Variants in NCKAP1L observed in about 807,000 individuals in gnomAD.
The protein encoded by NCKAP1L is nck-associated protein 1-like.
Under a neutral mutation model 139.2 loss-of-function variants are expected in NCKAP1L, and 53 were observed. That is an observed-to-expected ratio of 0.38 (90% CI 0.31 to 0.48). The LOEUF (loss-of-function observed/expected upper bound fraction) is 0.48, where lower values mean the gene tolerates loss of function less well. NCKAP1L is among the 20% of genes least tolerant of loss of function. The pLI, the probability that NCKAP1L is intolerant of heterozygous loss-of-function variation, is 0.98. For synonymous variants in NCKAP1L, 468 were observed against 499.7 expected (o/e 0.94, Z 0.85); for missense variants, 1,151 against 1,381.9 (o/e 0.83, Z 2.65).
At position 54,547,884 on chromosome 12, in the gene NCKAP1L, G is replaced by A. The variant is rs757650313; in HGVS notation, c.*5199G>A. The A allele has an allele frequency of 6.6e-6, 1 of 152,196 alleles. No homozygotes were observed. The highest frequency in any genetic ancestry group is 1.5e-5 in the Non-Finnish European group (1 of 68,044). The allele number at this position is 152,196 out of a possible 1,614,324, so 9.4% of individuals were successfully genotyped here. On this transcript the variant is annotated 3_prime_UTR_variant, in exon 31 of 31. Coordinates refer to ENST00000293373, the MANE Select transcript of NCKAP1L (RefSeq NM_005337.5). ...TTGGCTGGGTCTGGGGAAAAGCCAA[G>A]GGATGTGTGCTAAAGGTAGATGGAC...
At position 54,547,455 on chromosome 12, in the gene NCKAP1L, G is replaced by A. The variant is rs1233588492; in HGVS notation, c.*4770G>A. On this transcript the variant is annotated 3_prime_UTR_variant, in exon 31 of 31. Coordinates refer to ENST00000293373, the MANE Select transcript of NCKAP1L (RefSeq NM_005337.5). Reference sequence around the variant, plus strand: ...CATTTATTAAATGAAGGGAATTAGAGTGGATGAACTCTAATGTCTCTTTCA... The same window carrying A: ...CATTTATTAAATGAAGGGAATTAGAATGGATGAACTCTAATGTCTCTTTCA... 6.6e-6 allele frequency: 1 copy of A among 151,986 alleles called. No homozygotes were observed. The highest frequency in any genetic ancestry group is 1.9e-4 in the East Asian group (1 of 5,196). 9.4% of individuals were successfully genotyped at this position (151,986 alleles called of 1,614,324 possible). A position where few individuals can be genotyped will look rare whatever the true frequency, so the allele number is the denominator to read the frequency against.
intron 26 of NCKAP1L, 108 bp from the exon 27 acceptor site, chr12:54,534,996 T>TA: frequency 1.9e-5 from 15 of 782,098 alleles, no homozygotes; most frequent in Non-Finnish European, 2.8e-5. Flanking sequence ...AAAAGCATCT[T>TA]TAAAAAAAAA....
Position 54,500,601 on chromosome 12 carries a change from A to G in NCKAP1L, c.282A>G (p.Ser94=), listed in dbSNP as rs1334719760. The change falls in exon 3 of 31, where the codon TCA becomes TCG. Residue 94 remains serine, a synonymous_variant. Transcript: ENST00000293373. Reference sequence around the variant, plus strand: ...GATTCCTCACCAACTACTACCAGTCATTTGTGGATGTCATGGAATTTCGGG... The same window carrying G: ...GATTCCTCACCAACTACTACCAGTCGTTTGTGGATGTCATGGAATTTCGGG... ...IIRFLTNYYQ[S]FVDVMEFRDH... 1 of 1,612,776 alleles carries G rather than the reference A, an allele frequency of 6.2e-7. No individual in the cohort carries two copies. Among genetic ancestry groups the G allele is most frequent in the Non-Finnish European group, 8.5e-7 (1 of 1,178,766 alleles).
chr12:54,502,724 C>T (rs988055409), intron 3 of NCKAP1L, among the ~76,000 whole-genome samples: 7 of 150,368 alleles, frequency 4.7e-5, no homozygotes, highest in South Asian at 2.1e-4. Flanking sequence ...CTGTGGCTCA[C>T]GCCTGTAATC....
Position 54,521,150 on chromosome 12 carries a change from A to G in NCKAP1L, c.1790A>G (p.His597Arg), listed in dbSNP as rs1404476284. The change falls in exon 18 of 31, where the codon CAC becomes CGC. Residue 597 changes from histidine to arginine, a missense_variant. Transcript: ENST00000293373. ...CACCTCAAGAACCATGGTCTTCACC[A>G]CTGCAACTCCTTCCTGGAAGAGTTG... ...YPHLKNHGLHHCNSFLEELAK... is the reference protein window; with the variant it reads ...YPHLKNHGLHRCNSFLEELAK... 1.7e-5 allele frequency: 28 copies of G among 1,613,944 alleles called. No individual in the cohort carries two copies. Among genetic ancestry groups the G allele is most frequent in the Non-Finnish European group, 2.4e-5 (28 of 1,180,008 alleles).
At chr12:54,498,758 A>G in intron 1 of NCKAP1L, 1 of 984,538 alleles carries the variant, frequency 1.0e-6, no homozygotes, top group Non-Finnish European at 1.2e-6. Context: ...GCTTCAGTTG[A>G]GGGGCGGGGA....
chr12:54,517,477 G>C, intron 11 of NCKAP1L, 56 bp from the exon 12 acceptor site: 1 of 1,133,696 alleles, frequency 8.8e-7, no homozygotes, highest in African/African-American at 1.5e-5. Context: ...TTTACTCTGT[G>C]CTTTGAAATC....
In NCKAP1L at chr12:54,518,914, T is replaced by G. The variant is rs1235438630; in HGVS notation, c.1421T>G (p.Val474Gly). The G allele has an allele frequency of 6.2e-7, 1 of 1,613,734 alleles. No homozygotes were observed. The highest frequency in any genetic ancestry group is 1.7e-5 in the Admixed American group (1 of 60,024). The change falls in exon 15 of 31, where the codon GTT becomes GGT. Residue 474 changes from valine (V) to glycine (G), a missense_variant and splice_region_variant. By Grantham distance (109) the Val-to-Gly change is moderately radical. Transcript: ENST00000293373. ...SILSSLNLKQVDNGEKFEFSG... is the reference protein window; with the variant it reads ...SILSSLNLKQGDNGEKFEFSG... ...TTTTATACTTCCGTTTTTCTTGCAG[T>G]TGATAATGGAGAAAAATTTGAATTC...
At chr12:54,533,656 T>C (rs896761757) in intron 26 of NCKAP1L, among the ~76,000 whole-genome samples, 3 of 152,084 alleles carry the variant, frequency 2.0e-5, no homozygotes, top group Non-Finnish European at 4.4e-5. Flanking sequence ...AACCTCTACC[T>C]CCTGGATTCA....
chr12:54,523,868 A>G lies in NCKAP1L; in HGVS notation c.2068A>G (p.Met690Val). Reference sequence around the variant, plus strand: ...AAACTTGACAGAACTGGCACTGACAATGAATCATGTATACAGTTTCTCCGT... The same window carrying G: ...AAACTTGACAGAACTGGCACTGACAGTGAATCATGTATACAGTTTCTCCGT... ...HLNLTELALT[M>V]NHVYSFSVFE... The change falls in exon 20 of 31, where the codon ATG becomes GTG. Residue 690 changes from methionine to valine, a missense_variant. By Grantham distance (21) the Met-to-Val change is conservative. Coordinates refer to ENST00000293373, the MANE Select transcript of NCKAP1L (RefSeq NM_005337.5). 6.2e-7 allele frequency: 1 copy of G among 1,614,192 alleles called. No homozygotes were observed. The highest frequency in any genetic ancestry group is 8.5e-7 in the Non-Finnish European group (1 of 1,180,002).
At chr12:54,513,195 A>G (rs1229558403) in intron 9 of NCKAP1L, among the ~76,000 whole-genome samples, 1 of 152,204 alleles carries the variant, frequency 6.6e-6, no homozygotes, top group Non-Finnish European at 1.5e-5. Flanking sequence ...GTAAATTAGA[A>G]GGAATTGAGG....
Position 54,509,743 on chromosome 12 carries a change from T to C in NCKAP1L, c.581T>C (p.Phe194Ser). The C allele has an allele frequency of 6.2e-7, 1 of 1,614,198 alleles. No individual in the cohort carries two copies. The highest frequency in any genetic ancestry group is 8.5e-7 in the Non-Finnish European group (1 of 1,180,036). ...DHPLKKLTEE[F>S]GPHTKAVSGA... ...CCTCTGAAGAAGCTGACAGAAGAGT[T>C]TGGGCCTCACACAAAGGCAAGTTCC... The change falls in exon 6 of 31, where the codon TTT becomes TCT. Residue 194 changes from phenylalanine (F) to serine (S), a missense_variant. Transcript: ENST00000293373.
rs1398702026 is a variant in NCKAP1L at position 54,507,882 on chromosome 12, T to C, written c.336T>C (p.Ile112=). Residue 112 remains isoleucine (I), a synonymous_variant, in exon 4 of 31, where the codon ATT becomes ATC. Coordinates refer to ENST00000293373, the MANE Select transcript of NCKAP1L (RefSeq NM_005337.5). ...ATGTATATGAACTTCTCAACACCAT[T>C]GATGCCTGCCAGTGCCATTTTGATA... ...RDHVYELLNT[I]DACQCHFDIN... The C allele has an allele frequency of 8.7e-6, 14 of 1,613,972 alleles. No homozygotes were observed. The highest frequency in any genetic ancestry group is 1.2e-5 in the Non-Finnish European group (14 of 1,179,968).
In NCKAP1L at chr12:54,543,998, C is replaced by G. The variant is rs958795492; in HGVS notation, c.*1313C>G. On this transcript the variant is annotated 3_prime_UTR_variant, in exon 31 of 31. Transcript: ENST00000293373. ...AGCCTTCCTGAAGCCTATTTGATAG[C>G]TGTTTTGGGGTTTTGTACATGTGTT... 15 of 152,312 alleles carry G rather than the reference C, an allele frequency of 9.8e-5. No homozygotes were observed. The highest frequency in any genetic ancestry group is 3.4e-4 in the African/African-American group (14 of 41,560). The allele number at this position is 152,312 out of a possible 1,614,324, so 9.4% of individuals were successfully genotyped here. A position where few individuals can be genotyped will look rare whatever the true frequency, so the allele number is the denominator to read the frequency against.
intron 25 of NCKAP1L, 79 bp downstream of exon 25, chr12:54,531,904 A>G (rs1416954233): frequency 8.1e-7 from 1 of 1,231,582 alleles, no homozygotes; most frequent in African/African-American, 1.5e-5. Context: ...TTGTGGAAGT[A>G]TTGCGGGAAT....
At position 54,536,948 on chromosome 12, in the gene NCKAP1L, C is replaced by A; in HGVS notation, c.3078C>A (p.Tyr1026Ter). 6.2e-7 allele frequency: 1 copy of A among 1,606,642 alleles called. No individual in the cohort carries two copies. Among genetic ancestry groups the A allele is most frequent in the Non-Finnish European group, 8.5e-7 (1 of 1,174,178 alleles). The change falls in exon 29 of 31, where the codon TAC (tyrosine) becomes TAA (stop). Residue 1026 changes from tyrosine to a stop codon, truncating the protein, a stop_gained. Coordinates refer to ENST00000293373, the MANE Select transcript of NCKAP1L (RefSeq NM_005337.5). LOFTEE classifies it high-confidence loss of function. Reference protein sequence around the residue: ...SSFYSIEKDGYNNNIHCLTKA... With the variant: ...SSFYSIEKDG ...TCTATATCAATAATAACCTAGGTTACAACAACAATATTCATTGCTTGACCA... is the reference window on the plus strand; with the variant it reads ...TCTATATCAATAATAACCTAGGTTAAAACAACAATATTCATTGCTTGACCA...
At chr12:54,528,841 T>C (rs1419377040) in intron 22 of NCKAP1L, among the ~76,000 whole-genome samples, 3 of 152,050 alleles carry the variant, frequency 2.0e-5, no homozygotes, top group African/African-American at 7.2e-5. Context: ...TTCACCATGT[T>C]AGCCAGGATG....
intron 21 of NCKAP1L, 82 bp from the exon 22 acceptor site, chr12:54,528,165 T>G: frequency 6.6e-7 from 1 of 1,513,034 alleles, no homozygotes; most frequent in South Asian, 1.3e-5. Flanking sequence ...TTTTTCTTTC[T>G]GAGCTCAGTG....
rs997727551 is a variant in NCKAP1L, at chr12:54,543,775, C to T, written c.*1090C>T. ...GCACTAAACTAGGTTTACTTAACTC[C>T]TTGGCAGGAAATAGTGGCCCCCATG... is the stretch of plus-strand genomic sequence containing the variant. On this transcript the variant is annotated 3_prime_UTR_variant, in exon 31 of 31. Coordinates refer to ENST00000293373, the MANE Select transcript of NCKAP1L (RefSeq NM_005337.5). 6.6e-6 allele frequency: 1 copy of T among 152,218 alleles called. No homozygotes were observed. The highest frequency in any genetic ancestry group is 1.9e-4 in the East Asian group (1 of 5,198). The allele number at this position is 152,218 out of a possible 1,614,324, so 9.4% of individuals were successfully genotyped here. A position where few individuals can be genotyped will look rare whatever the true frequency, so the allele number is the denominator to read the frequency against.
Sources: allele counts gnomAD v4.1 joint callset (sites outside exome capture counted in the v4.1 genomes callset), GRCh38; gene constraint gnomAD v4.1.1; transcripts MANE v1.5; gene names NCBI Gene and HGNC (gene_info 2026-07-23, HGNC 2026-07-21).